ZPBP: variants seen among roughly 807,000 people sequenced by gnomAD.
The protein encoded by ZPBP is zona pellucida-binding protein 1.
Under a neutral mutation model 44.8 loss-of-function variants are expected in ZPBP, and 26 were observed. The ratio of observed to expected loss-of-function variants is 0.58; its 90% CI spans 0.43 to 0.81. The LOEUF (loss-of-function observed/expected upper bound fraction) is 0.81. ZPBP is among the 30% of genes least tolerant of loss of function. The probability of loss-of-function intolerance (pLI) is 0.00; values close to 1 mark genes in which losing one functional copy is unlikely to be tolerated. For synonymous variants in ZPBP, 174 were observed against 153.2 expected, an observed-to-expected ratio of 1.14 and a Z score of -1.00; for missense variants, 409 against 434.0, an observed-to-expected ratio of 0.94 and a Z score of 0.51.
At chr7:49,848,233 C>T (rs551555335), downstream of ZPBP, among the ~76,000 whole-genome samples, 1 of 152,288 alleles carries the variant, frequency 6.6e-6, no homozygotes, top group Admixed American at 6.5e-5. Context: ...TCTTTGGGAG[C>T]AGTCTGTGGT....
chr7:49,916,113 T>G lies in ZPBP; in HGVS notation n.412-14898A>C, dbSNP rs1234997171. 2.6e-5 allele frequency: 4 copies of G among 152,362 alleles called. No homozygotes were observed. The East Asian group carries it at 5.8e-4, about 22-fold the overall frequency. 9.4% of individuals were successfully genotyped at this position (152,362 alleles called of 1,614,324 possible). A position where few individuals can be genotyped will look rare whatever the true frequency, so the allele number is the denominator to read the frequency against. On this transcript the variant is annotated intron_variant and non_coding_transcript_variant, in intron 1 of 2. Coordinates refer to the ZPBP transcript ENST00000465922. ...CGTAGCACAGATTAAACAGCCTACTTATGTCATATCCTCACTTCACACCAA... is the reference window on the plus strand; with the variant it reads ...CGTAGCACAGATTAAACAGCCTACTGATGTCATATCCTCACTTCACACCAA...
chr7:49,991,309 T>G (rs977607628), intron 6 of ZPBP, among the ~76,000 whole-genome samples: 57 of 152,210 alleles, frequency 3.7e-4, no homozygotes, highest in African/African-American at 1.4e-3. Context: ...CTCAAAATTG[T>G]CCCTCTCTTG....
At chr7:49,948,332 T>A (rs972689878) in intron 7 of ZPBP, among the ~76,000 whole-genome samples, 2 of 152,186 alleles carry the variant, frequency 1.3e-5, no homozygotes, top group Non-Finnish European at 2.9e-5. Flanking sequence ...CTCCCTGTTT[T>A]GATTTCTTTT....
chr7:49,863,629 G>A (rs1295818070), intron 2 of ZPBP, among the ~76,000 whole-genome samples: 3 of 152,006 alleles, frequency 2.0e-5, no homozygotes, highest in Non-Finnish European at 4.4e-5. Flanking sequence ...AAGGGGTCTT[G>A]CCATGTTGCC....
chr7:49,891,925 C>G (rs1018975942), intron 2 of ZPBP, among the ~76,000 whole-genome samples: 41 of 149,454 alleles, frequency 2.7e-4, no homozygotes, highest in Admixed American at 1.7e-3. Context: ...AAATGTCTAT[C>G]AAGAGTAGTA....
chr7:49,854,599 G>T (rs144872818), intron 2 of ZPBP, among the ~76,000 whole-genome samples: 2,052 of 152,332 alleles, frequency 0.013, 21 homozygotes, highest in Non-Finnish European at 0.02. Flanking sequence ...GTTCTTTGCA[G>T]ATTCTGGATA....
At chr7:49,880,127 T>C (rs1025483103) in intron 2 of ZPBP, among the ~76,000 whole-genome samples, 3 of 152,310 alleles carry the variant, frequency 2.0e-5, no homozygotes, top group Admixed American at 2.0e-4. Flanking sequence ...TTTTGTTTCA[T>C]TTAAAAACTT....
chr7:49,948,218 G>A (rs1795185859), intron 7 of ZPBP, among the ~76,000 whole-genome samples: 1 of 152,164 alleles, frequency 6.6e-6, no homozygotes, highest in Admixed American at 6.5e-5. Context: ...GCTAATGCTT[G>A]ATTCTTATGA....
intron 6 of ZPBP, among the ~76,000 whole-genome samples, chr7:50,005,286 C>G (rs1239516400): frequency 6.6e-6 from 1 of 151,834 alleles, no homozygotes; most frequent in Non-Finnish European, 1.5e-5. Flanking sequence ...AATGAAAGGT[C>G]TCTAGAGAAT....
At chr7:50,089,169 G>C (rs571766617) in intron 2 of ZPBP, among the ~76,000 whole-genome samples, 1 of 152,142 alleles carries the variant, frequency 6.6e-6, no homozygotes, top group South Asian at 2.1e-4. Flanking sequence ...GCCTAATCTT[G>C]TCAATATACT....
intron 6 of ZPBP, among the ~76,000 whole-genome samples, chr7:50,014,343 CA>C (rs1285067388): frequency 2.6e-5 from 4 of 151,502 alleles, no homozygotes; most frequent in African/African-American, 9.7e-5. Context: ...ACACTACTGA[CA>C]AAAGATAATG....
chr7:49,978,697 TTGAA>T (rs1415529599), intron 7 of ZPBP, among the ~76,000 whole-genome samples: 1 of 152,080 alleles, frequency 6.6e-6, no homozygotes, highest in Non-Finnish European at 1.5e-5. Flanking sequence ...AGTTTCATAC[TTGAA>T]TGGATTTTAA....
At chr7:49,874,437 T>G (rs1791309173) in intron 2 of ZPBP, among the ~76,000 whole-genome samples, 1 of 152,182 alleles carries the variant, frequency 6.6e-6, no homozygotes, top group African/African-American at 2.4e-5. Context: ...TAGAAGGCTG[T>G]ACTATCTAGG....
intron 6 of ZPBP, among the ~76,000 whole-genome samples, chr7:49,999,759 C>T (rs1798014701): frequency 6.6e-6 from 1 of 152,174 alleles, no homozygotes; most frequent in Non-Finnish European, 1.5e-5. Context: ...TGCCCACCCA[C>T]ATTAGTGAGG....
chr7:50,067,132 T>C (rs749062670), intron 3 of ZPBP, among the ~76,000 whole-genome samples: 9 of 152,178 alleles, frequency 5.9e-5, no homozygotes, highest in Admixed American at 1.3e-4. Flanking sequence ...GCATTTTTTT[T>C]CATACCTAAC....
intron 4 of ZPBP, among the ~76,000 whole-genome samples, chr7:50,054,705 T>C (rs1937510721): frequency 6.6e-6 from 1 of 152,140 alleles, no homozygotes; most frequent in South Asian, 2.1e-4. Context: ...AAAATACCAC[T>C]TGTAGTTTAT....
chr7:49,944,137 T>C (rs1395928947), intron 7 of ZPBP: 2 of 264,820 alleles, frequency 7.6e-6, no homozygotes, highest in Non-Finnish European at 1.5e-5. Context: ...CCTTCATAAC[T>C]GTATCCACTT....
intron 7 of ZPBP, chr7:49,943,847 T>C (rs991782028): frequency 8.3e-5 from 20 of 241,090 alleles, no homozygotes; most frequent in Admixed American, 7.1e-4. Context: ...CCTTTTTACA[T>C]GTCTCTTCTT....
chr7:49,952,095 G>C (rs1795366903), intron 7 of ZPBP, among the ~76,000 whole-genome samples: 1 of 151,884 alleles, frequency 6.6e-6, no homozygotes, highest in Non-Finnish European at 1.5e-5. Flanking sequence ...TTTTTAATAA[G>C]TACGGGGTTT....
Sources: allele counts gnomAD v4.1 joint callset (sites outside exome capture counted in the v4.1 genomes callset), GRCh38; gene constraint gnomAD v4.1.1; transcripts MANE v1.5; gene names NCBI Gene and HGNC (gene_info 2026-07-23, HGNC 2026-07-21).